Variants in TTC23L observed in about 807,000 individuals in gnomAD.
The protein encoded by TTC23L is tetratricopeptide repeat protein 23-like.
A neutral mutation model predicts 48.1 loss-of-function variants in TTC23L; 42 were observed. The observed-to-expected ratio is 0.87, with a 90% CI of 0.68 to 1.13. The LOEUF is 1.13. Among genes scored for constraint, TTC23L ranks in the 50% most tolerant of loss-of-function variants. The pLI is 0.00. For synonymous variants in TTC23L, 159 were observed against 157.2 expected, an observed-to-expected ratio of 1.01 and a Z score of -0.09; for missense variants, 391 against 421.0, an observed-to-expected ratio of 0.93 and a Z score of 0.62.
chr5:34,898,727 A>T (rs1763378187), intron 10 of TTC23L, among the ~76,000 whole-genome samples: 1 of 152,270 alleles, frequency 6.6e-6, no homozygotes, highest in Admixed American at 6.5e-5. Flanking sequence ...ACTTGCATAG[A>T]AACCCCAAGT....
At chr5:34,877,892 T>C (rs1320396513) in intron 8 of TTC23L, among the ~76,000 whole-genome samples, 1 of 152,162 alleles carries the variant, frequency 6.6e-6, no homozygotes, top group Non-Finnish European at 1.5e-5. Context: ...GGAAGAAATA[T>C]AACTTTTTAT....
the TTC23L span, chr5:34,906,947 T>G: frequency 1.3e-5 from 2 of 152,186 alleles, no homozygotes; most frequent in Non-Finnish European, 2.9e-5. Context: ...TCTGACAACA[T>G]TTAGTAAATT....
intron 9 of TTC23L, among the ~76,000 whole-genome samples, chr5:34,885,247 T>C (rs943590985): frequency 3.3e-5 from 5 of 152,276 alleles, no homozygotes; most frequent in South Asian, 2.1e-4. Flanking sequence ...GATTAAAGAA[T>C]CATGAAAACT....
chr5:34,843,586 G>A (rs1758871270), intron 2 of TTC23L, among the ~76,000 whole-genome samples: 1 of 152,128 alleles, frequency 6.6e-6, no homozygotes, highest in Non-Finnish European at 1.5e-5. Flanking sequence ...TAGCAATCTG[G>A]TGACTCCAAT....
At chr5:34,898,154 T>C (rs1276085022) in intron 10 of TTC23L, among the ~76,000 whole-genome samples, 2 of 152,226 alleles carry the variant, frequency 1.3e-5, no homozygotes, top group African/African-American at 4.8e-5. Flanking sequence ...ATAGTAATCA[T>C]GTACTAAGTA....
chr5:34,846,760 G>T (rs1309540756), intron 3 of TTC23L, among the ~76,000 whole-genome samples: 1 of 147,886 alleles, frequency 6.8e-6, no homozygotes, highest in African/African-American at 2.5e-5. Context: ...AAAAAGGCTG[G>T]GATAGTAAGG....
chr5:34,910,307 T>G, the TTC23L span, among the ~76,000 whole-genome samples: 2 of 152,154 alleles, frequency 1.3e-5, no homozygotes, highest in East Asian at 3.9e-4. Flanking sequence ...AGTACCTGAA[T>G]TTTTTACTTC....
the TTC23L span, chr5:34,913,637 G>A: frequency 2.9e-6 from 3 of 1,019,650 alleles, no homozygotes; most frequent in Non-Finnish European, 2.9e-6. Context: ...AATAATATAA[G>A]GTCCTAGATT....
chr5:34,897,889 T>A (rs917453975), intron 10 of TTC23L, among the ~76,000 whole-genome samples: 1 of 151,560 alleles, frequency 6.6e-6, no homozygotes, highest in African/African-American at 2.4e-5. Flanking sequence ...ATCAACTATT[T>A]AATCTGATCA....
intron 9 of TTC23L, 155 bp downstream of exon 9, chr5:34,880,463 A>T: frequency 4.7e-6 from 4 of 848,634 alleles, no homozygotes; most frequent in Non-Finnish European, 7.0e-6. Context: ...CATTAACCGA[A>T]TTATTTTTTT....
At chr5:34,924,941 T>C in the TTC23L span, 1 of 1,613,646 alleles carries the variant, frequency 6.2e-7, no homozygotes, top group Non-Finnish European at 8.5e-7. Flanking sequence ...GGACCAACTT[T>C]ATATGAAAAT....
At chr5:34,883,932 CA>C (rs1762394847) in intron 9 of TTC23L, among the ~76,000 whole-genome samples, 1 of 152,140 alleles carries the variant, frequency 6.6e-6, no homozygotes, top group Non-Finnish European at 1.5e-5. Flanking sequence ...ACTCTGACAT[CA>C]AAGCCATAAA....
the TTC23L span, chr5:34,913,718 A>C: frequency 1.7e-6 from 1 of 605,770 alleles, no homozygotes; most frequent in Non-Finnish European, 2.9e-6. Context: ...AGCAATCAAA[A>C]CATCTTAGAG....
At chr5:34,886,420 G>A (rs114631462) in intron 9 of TTC23L, among the ~76,000 whole-genome samples, 1 of 150,052 alleles carries the variant, frequency 6.7e-6, no homozygotes, top group African/African-American at 2.4e-5. Flanking sequence ...ACTGCTAAAG[G>A]CTTCATTAAA....
At chr5:34,868,785 A>G (rs751402993) in intron 7 of TTC23L, 120 bp from the exon 8 acceptor site, 5 of 774,208 alleles carry the variant, frequency 6.5e-6, no homozygotes, top group Non-Finnish European at 1.1e-5. Context: ...AGGTGAAATT[A>G]CTTGCACAAG....
intron 9 of TTC23L, 120 bp downstream of exon 9, chr5:34,880,428 AC>A: frequency 9.3e-7 from 1 of 1,073,020 alleles, no homozygotes; most frequent in Non-Finnish European, 1.3e-6. Flanking sequence ...CTAGGCAAGA[AC>A]CACATTGTTT....
At chr5:34,870,189 G>A (rs1761358393) in intron 8 of TTC23L, among the ~76,000 whole-genome samples, 1 of 151,626 alleles carries the variant, frequency 6.6e-6, no homozygotes, top group African/African-American at 2.4e-5. Context: ...TAAATTCCAG[G>A]TGGATTAACA....
At chr5:34,914,481 G>A in the TTC23L span, 1 of 571,714 alleles carries the variant, frequency 1.7e-6, no homozygotes, top group East Asian at 3.0e-5. Flanking sequence ...AAAACAAGAT[G>A]GGAAAAGAAT....
chr5:34,846,670 T>TGG, intron 3 of TTC23L, among the ~76,000 whole-genome samples: 1 of 58,374 alleles, frequency 1.7e-5, no homozygotes, highest in South Asian at 9.6e-4. Flanking sequence ...TGTGTGTATG[T>TGG]GTGTGTGTGT....
Sources: gnomAD v4.1 joint callset for allele counts (sites outside exome capture counted in the v4.1 genomes callset) on GRCh38, gnomAD v4.1.1 for gene constraint, MANE v1.5 for transcripts, NCBI Gene and HGNC (gene_info 2026-07-23, HGNC 2026-07-21) for gene names.